ZFP64: variants seen among roughly 807,000 people sequenced by gnomAD.
ZFP64 encodes the protein zinc finger protein 64.
A neutral mutation model predicts 51.6 loss-of-function variants in ZFP64; 14 were observed. The ratio of observed to expected loss-of-function variants is 0.27; its 90% CI spans 0.18 to 0.42. The LOEUF (loss-of-function observed/expected upper bound fraction) is 0.42, where lower values mean the gene tolerates loss of function less well. Among genes scored for constraint, ZFP64 ranks in the 10% least tolerant of loss-of-function variants. The probability of loss-of-function intolerance (pLI) is 1.00; values close to 1 mark genes in which losing one functional copy is unlikely to be tolerated. For missense variants in ZFP64, 754 were observed against 906.8 expected, an observed-to-expected ratio of 0.83 and a Z score of 2.16; for synonymous variants, 375 against 361.4, an observed-to-expected ratio of 1.04 and a Z score of -0.43.
chr20:52,180,267 G>A (rs368832067), intron 2 of ZFP64, among the ~76,000 whole-genome samples: 1 of 152,110 alleles, frequency 6.6e-6, no homozygotes, highest in African/African-American at 2.4e-5. Context: ...CCTCTCTATC[G>A]TAATATGTGC....
exon 6 of ZFP64, chr20:52,098,553 G>C: frequency 1.2e-6 from 2 of 1,614,142 alleles, no homozygotes; most frequent in Non-Finnish European, 1.7e-6. Flanking sequence ...TGGAGAGGCA[G>C]TTTGCTTTTG....
chr20:52,118,218 C>T (rs567124209), intron 5 of ZFP64, among the ~76,000 whole-genome samples: 6 of 151,078 alleles, frequency 4.0e-5, no homozygotes, highest in African/African-American at 1.2e-4. Flanking sequence ...TCTGCTCCCA[C>T]ACCCCACCCA....
chr20:52,128,146 C>T (rs961635336), intron 5 of ZFP64, among the ~76,000 whole-genome samples: 1 of 152,118 alleles, frequency 6.6e-6, no homozygotes, highest in African/African-American at 2.4e-5. Flanking sequence ...CATTGAAAGC[C>T]CCTGTTCCTG....
At chr20:52,173,084 C>T (rs1019411842) in intron 2 of ZFP64, among the ~76,000 whole-genome samples, 3 of 152,110 alleles carry the variant, frequency 2.0e-5, no homozygotes, top group African/African-American at 7.2e-5. Flanking sequence ...CATGAACCAA[C>T]CATAGCTCCT....
Position 52,160,128 on chromosome 20 carries a change from TG to T in ZFP64, c.757del (p.His253ThrfsTer22), listed in dbSNP as rs780867915. ...SSQLTVHLRS[H>X]TGDAPFQCWL... Reference sequence around the variant, plus strand: ...AAATAACAGGCAGGACTCACCCGTGTGGGATCGCAGGTGGACAGTGAGCTGG... The same window carrying T: ...AAATAACAGGCAGGACTCACCCGTGTGGATCGCAGGTGGACAGTGAGCTGG... On this transcript the variant is annotated frameshift_variant, in exon 5 of 6. Coordinates refer to ENST00000216923, the MANE Select transcript of ZFP64 (RefSeq NM_018197.3). LOFTEE classifies it high-confidence loss of function. This position sits in a 1 kb window ranked among gnomAD's most constrained non-coding sequence, Gnocchi z 4.2. 3 of 1,614,198 alleles carry T rather than the reference TG, an allele frequency of 1.9e-6. No individual in the cohort carries two copies. Among genetic ancestry groups the T allele is most frequent in the Non-Finnish European group, 2.5e-6 (3 of 1,180,038 alleles).
At chr20:52,112,093 A>C (rs1038066832) in intron 5 of ZFP64, among the ~76,000 whole-genome samples, 12 of 138,020 alleles carry the variant, frequency 8.7e-5, no homozygotes, top group Non-Finnish European at 1.1e-4. Context: ...AAAAAAAAAA[A>C]AAAAAAACAA....
Position 52,102,107 on chromosome 20 carries a change from C to CAAAAAAAAAAAAAAAAAAAAA in ZFP64, c.764-3521_764-3520insTTTTTTTTTTTTTTTTTTTTT, listed in dbSNP as rs34646115. Among the ~76,000 whole-genome samples the CAAAAAAAAAAAAAAAAAAAAA allele has an allele frequency of 4.8e-3, 307 of 63,344 alleles. 14 individuals are homozygous for CAAAAAAAAAAAAAAAAAAAAA. Among genetic ancestry groups the CAAAAAAAAAAAAAAAAAAAAA allele is most frequent in the African/African-American group, 0.011 (159 of 14,682 alleles). The allele number at this position is 63,344 out of a possible 152,430, so 41.6% of individuals were successfully genotyped here. ...AGCCTGGTGAGAGTAACTCCATCTCCAAAAAAAAAAAAAAAAAAGGCAGCA... is the reference window on the plus strand; with the variant it reads ...AGCCTGGTGAGAGTAACTCCATCTCCAAAAAAAAAAAAAAAAAAAAAAAAAAAAAAAAAAAAAAAGGCAGCA... On this transcript the variant is annotated intron_variant, in intron 5 of 8. Coordinates refer to the ZFP64 transcript ENST00000361387.
At chr20:52,106,176 G>A (rs1336774076) in intron 5 of ZFP64, among the ~76,000 whole-genome samples, 1 of 152,196 alleles carries the variant, frequency 6.6e-6, no homozygotes, top group Non-Finnish European at 1.5e-5. Context: ...AGGTGACGGA[G>A]GCGTGGTCCT....
At chr20:52,184,459 TA>T (rs1983821615) in intron 2 of ZFP64, among the ~76,000 whole-genome samples, 1 of 152,158 alleles carries the variant, frequency 6.6e-6, no homozygotes, top group Admixed American at 6.5e-5. Context: ...ATCCCTGTTC[TA>T]GAAACTTCCC....
rs1291626983 is a variant in ZFP64 at position 52,119,532 on chromosome 20, AAATATAT to A, written c.764-20952_764-20946del. 9.4e-3 allele frequency among the ~76,000 whole-genome samples: 798 copies of A among 84,750 alleles called. 10 individuals carry two copies. Among genetic ancestry groups the A allele is most frequent in the African/African-American group, 0.027 (611 of 22,322 alleles). 55.6% of individuals were successfully genotyped at this position (84,750 alleles called of 152,430 possible). On this transcript the variant is annotated intron_variant, in intron 5 of 8. Transcript: ENST00000361387. Reference sequence around the variant, plus strand: ...GTGAGACTTCATCTAAAAAAAAAAAAAATATATATATATATATATATACATATATATA... The same window carrying A: ...GTGAGACTTCATCTAAAAAAAAAAAAATATATATATATATACATATATATA...
At chr20:52,181,411 T>C (rs62215773) in intron 2 of ZFP64, among the ~76,000 whole-genome samples, 11,960 of 152,270 alleles carry the variant, frequency 0.079, 538 homozygotes, top group Non-Finnish European at 0.1. Flanking sequence ...TATATTTCCA[T>C]GAGCATCCAC....
At chr20:52,166,303 C>T (rs998162744) in intron 2 of ZFP64, among the ~76,000 whole-genome samples, 10 of 152,106 alleles carry the variant, frequency 6.6e-5, no homozygotes, top group African/African-American at 2.4e-4. Flanking sequence ...AAAAGCTCAT[C>T]TTGCTGCCCT....
chr20:52,155,116 G>A (rs1322567539), intron 5 of ZFP64, among the ~76,000 whole-genome samples: 1 of 152,162 alleles, frequency 6.6e-6, no homozygotes, highest in Non-Finnish European at 1.5e-5. Context: ...ATTGTGATAT[G>A]CCAATGTGTG....
chr20:52,164,909 G>A (rs1421014924), intron 3 of ZFP64, 152 bp from the exon 4 acceptor site: 12 of 716,192 alleles, frequency 1.7e-5, no homozygotes, highest in South Asian at 3.0e-5. Context: ...TGTGATGACC[G>A]GGAAAAACAC....
At chr20:52,127,745 C>A (rs1600731849) in intron 5 of ZFP64, among the ~76,000 whole-genome samples, 2 of 152,116 alleles carry the variant, frequency 1.3e-5, no homozygotes, top group South Asian at 4.2e-4. Context: ...AAGACAAATC[C>A]TTTTTTTCAC....
intron 5 of ZFP64, chr20:52,110,456 A>C: frequency 3.1e-6 from 2 of 645,510 alleles, no homozygotes; most frequent in East Asian, 5.2e-5. Context: ...CAGCCTGGAG[A>C]TCCATGTCAT....
In ZFP64 at chr20:52,146,020, T is replaced by C. The variant is rs866358664; in HGVS notation, c.763+14103A>G. Among the ~76,000 whole-genome samples, 14 of 152,220 alleles carry C rather than the reference T, an allele frequency of 9.2e-5. No homozygotes were observed. In the South Asian group the frequency reaches 2.1e-3, roughly 23 times the overall value. On this transcript the variant is annotated intron_variant, in intron 5 of 8. Coordinates refer to the ZFP64 transcript ENST00000361387. The stretch of plus-strand genomic sequence containing the variant: ...CAACTGTACAAAAATATTCTTTCTT[T>C]ATATCCTTATTCTATAAGCCTTTTC...
chr20:52,100,806 G>C (rs928056293), intron 5 of ZFP64, among the ~76,000 whole-genome samples: 2 of 150,284 alleles, frequency 1.3e-5, no homozygotes, highest in African/African-American at 5.0e-5. Context: ...TTTGCAAAAG[G>C]AGATTACATG....
At chr20:52,155,404 C>T (rs1981235714) in intron 5 of ZFP64, among the ~76,000 whole-genome samples, 1 of 151,844 alleles carries the variant, frequency 6.6e-6, no homozygotes. Context: ...CCCAAATCTA[C>T]TCATGGATTT....
Sources: gnomAD v4.1 joint callset for allele counts (sites outside exome capture counted in the v4.1 genomes callset) on GRCh38, gnomAD v4.1.1 for gene constraint, Gnocchi (gnomAD v3.1) non-coding constraint, MANE v1.5 for transcripts, NCBI Gene and HGNC (gene_info 2026-07-23, HGNC 2026-07-21) for gene names.